Variants in KSR2 observed in about 807,000 individuals in gnomAD.
KSR2 encodes kinase suppressor of ras 2.
Under a neutral mutation model 107.8 loss-of-function variants are expected in KSR2, and 25 were observed. That is an observed-to-expected ratio of 0.23 (90% CI 0.17 to 0.32). KSR2 has a LOEUF of 0.32. Among genes scored for constraint, KSR2 ranks in the 10% least tolerant of loss-of-function variants. KSR2 has a pLI of 1.00. For missense variants in KSR2, 887 were observed against 1,268.9 expected, an observed-to-expected ratio of 0.70 and a Z score of 4.57; for synonymous variants, 480 against 507.0, an observed-to-expected ratio of 0.95 and a Z score of 0.71.
At chr12:117,813,719 T>C (rs1891278131) in intron 3 of KSR2, among the ~76,000 whole-genome samples, 1 of 152,186 alleles carries the variant, frequency 6.6e-6, no homozygotes, top group African/African-American at 2.4e-5. Flanking sequence ...GTATGGAAGT[T>C]CTTTAGAAAA....
Position 117,530,863 on chromosome 12 carries a change from A to G in KSR2, c.1802+78T>C, listed in dbSNP as rs1875572293. On this transcript the variant is annotated intron_variant, in intron 12 of 19. Coordinates refer to ENST00000339824, the MANE Select transcript of KSR2 (RefSeq NM_173598.6). ...TCAGTTCCAGGAAGAGAAGGAAAGA[A>G]GATAGGGAACCTGAGTGGATTGTAG... 2.4e-6 allele frequency: 3 copies of G among 1,250,490 alleles called. No individual in the cohort carries two copies. In the South Asian group the frequency reaches 3.7e-5, roughly 16 times the overall value. The allele number at this position is 1,250,490 out of a possible 1,614,324, so 77.5% of individuals were successfully genotyped here. A position where few individuals can be genotyped will look rare whatever the true frequency, so the allele number is the denominator to read the frequency against.
chr12:117,873,101 T>C (rs769190543), intron 1 of KSR2, among the ~76,000 whole-genome samples: 5 of 152,034 alleles, frequency 3.3e-5, no homozygotes, highest in Non-Finnish European at 5.9e-5. Context: ...TCCCATCAGT[T>C]TGGGAGGCCG....
chr12:117,476,166 C>T (rs1180621732), intron 17 of KSR2, among the ~76,000 whole-genome samples: 1 of 152,204 alleles, frequency 6.6e-6, no homozygotes, highest in African/African-American at 2.4e-5. Flanking sequence ...ATCTTGTATC[C>T]CCTGCATCTG....
chr12:117,624,211 C>T (rs948509399), intron 5 of KSR2, among the ~76,000 whole-genome samples: 8 of 152,170 alleles, frequency 5.3e-5, no homozygotes, highest in Non-Finnish European at 8.8e-5. Context: ...TTTTGCTGTG[C>T]AGAAGCTCTT....
chr12:117,907,699 C>T lies in KSR2; in HGVS notation c.181-47268G>A, dbSNP rs978599864. Among the ~76,000 whole-genome samples, 13 of 152,094 alleles carry T rather than the reference C, an allele frequency of 8.5e-5. No individual in the cohort carries two copies. The highest frequency in any genetic ancestry group is 1.9e-4 in the Non-Finnish European group (13 of 68,010). ...CCTTACACTATTTAGTCATGAAATG[C>T]AAATGAAGAGAAATTAATGTGCTGG... On this transcript the variant is annotated intron_variant, in intron 1 of 19. Transcript: ENST00000339824. This position sits in a 1 kb window ranked among gnomAD's most constrained non-coding sequence, Gnocchi z 4.3.
chr12:117,795,897 C>G (rs564406012), intron 3 of KSR2, among the ~76,000 whole-genome samples: 1 of 151,752 alleles, frequency 6.6e-6, no homozygotes, highest in Admixed American at 6.6e-5. Context: ...AGACATGAGC[C>G]GCCACATCTG....
chr12:117,892,137 A>G (rs1427311078), intron 1 of KSR2, among the ~76,000 whole-genome samples: 3 of 152,134 alleles, frequency 2.0e-5, no homozygotes, highest in Non-Finnish European at 4.4e-5. Context: ...CGTCTCTACT[A>G]AAAATACAAA....
intron 1 of KSR2, among the ~76,000 whole-genome samples, chr12:117,895,203 C>A (rs911424857): frequency 1.1e-4 from 16 of 152,112 alleles, no homozygotes; most frequent in African/African-American, 3.6e-4. Flanking sequence ...CACCACTGCA[C>A]TCCAGGTTGG....
At chr12:117,539,669 T>C in intron 10 of KSR2, 50 bp downstream of exon 10, 1 of 1,477,828 alleles carries the variant, frequency 6.8e-7, no homozygotes, top group Non-Finnish European at 9.1e-7. Context: ...CTCCCTAATC[T>C]CTGCCCCTCC....
chr12:117,712,512 C>T (rs1482685313), intron 4 of KSR2, among the ~76,000 whole-genome samples: 5 of 152,222 alleles, frequency 3.3e-5, no homozygotes, highest in Non-Finnish European at 7.3e-5. Flanking sequence ...GACATTCTCA[C>T]CTGCTCCTTC....
intron 4 of KSR2, among the ~76,000 whole-genome samples, chr12:117,750,558 T>G (rs1888577681): frequency 6.6e-6 from 1 of 152,104 alleles, no homozygotes; most frequent in African/African-American, 2.4e-5. Context: ...GTCACATGGG[T>G]ATATTGAGTG....
At chr12:117,792,431 G>A (rs61937748) in intron 3 of KSR2, among the ~76,000 whole-genome samples, 16 of 152,258 alleles carry the variant, frequency 1.1e-4, no homozygotes, top group Middle Eastern at 3.4e-3. Flanking sequence ...ACCTGGGCAC[G>A]CTGGTTAGCT....
chr12:117,490,511 C>G (rs974879797), intron 14 of KSR2, among the ~76,000 whole-genome samples: 1 of 152,152 alleles, frequency 6.6e-6, no homozygotes, highest in African/African-American at 2.4e-5. Flanking sequence ...ATTGACAGAT[C>G]ATAGTTTCAT....
At chr12:117,792,359 A>C (rs562033556) in intron 3 of KSR2, among the ~76,000 whole-genome samples, 2 of 151,728 alleles carry the variant, frequency 1.3e-5, no homozygotes, top group Non-Finnish European at 2.9e-5. Context: ...TTAAAAAAAA[A>C]AAGAAGAAGA....
At chr12:117,557,899 C>A (rs1877819253) in intron 8 of KSR2, among the ~76,000 whole-genome samples, 1 of 152,104 alleles carries the variant, frequency 6.6e-6, no homozygotes, top group Non-Finnish European at 1.5e-5. Context: ...ATAAGTAAGT[C>A]CTTGGCAGCC....
chr12:117,731,466 C>A (rs1387363896), intron 4 of KSR2, among the ~76,000 whole-genome samples: 1 of 149,284 alleles, frequency 6.7e-6, no homozygotes, highest in Admixed American at 6.6e-5. Context: ...GTGGGGGGCG[C>A]CTCTGCCCGG....
chr12:117,791,179 C>T (rs1890235206), intron 3 of KSR2, among the ~76,000 whole-genome samples: 1 of 152,102 alleles, frequency 6.6e-6, no homozygotes, highest in Admixed American at 6.6e-5. Flanking sequence ...TTATGCCCAC[C>T]AGCTCACCCC....
chr12:117,923,706 T>C (rs545419991), intron 1 of KSR2, among the ~76,000 whole-genome samples: 158 of 152,162 alleles, frequency 1.0e-3, no homozygotes, highest in African/African-American at 3.7e-3. Flanking sequence ...TGTATGTGTA[T>C]ATATACGTAT....
intron 9 of KSR2, among the ~76,000 whole-genome samples, chr12:117,542,967 T>TG (rs1443117529): frequency 1.3e-5 from 2 of 152,218 alleles, no homozygotes; most frequent in Admixed American, 1.3e-4. Context: ...TCCTTTTGAC[T>TG]GATTGCTGAG....
Sources: gnomAD v4.1 joint callset for allele counts (sites outside exome capture counted in the v4.1 genomes callset) on GRCh38, gnomAD v4.1.1 for gene constraint, Gnocchi (gnomAD v3.1) non-coding constraint, MANE v1.5 for transcripts, NCBI Gene and HGNC (gene_info 2026-07-23, HGNC 2026-07-21) for gene names.